Variants in CLTCL1 observed in about 807,000 individuals in gnomAD.
The protein encoded by CLTCL1 is clathrin heavy chain like 1.
In CLTCL1, 159 loss-of-function variants were observed where a neutral mutation model predicts 190.0. That is an observed-to-expected ratio of 0.84 (90% CI 0.74 to 0.95). The LOEUF is 0.95. Ranked by LOEUF, CLTCL1 falls within the 40% of genes least tolerant of loss-of-function variation. The pLI, the probability that CLTCL1 is intolerant of heterozygous loss-of-function variation, is 0.00. For synonymous variants in CLTCL1, 752 were observed against 769.6 expected, an observed-to-expected ratio of 0.98 and a Z score of 0.38; for missense variants, 1,878 against 2,033.4, an observed-to-expected ratio of 0.92 and a Z score of 1.47.
chr22:19,210,205 C>G, intron 20 of CLTCL1, 121 bp downstream of exon 20: 2 of 922,168 alleles, frequency 2.2e-6, no homozygotes, highest in Non-Finnish European at 3.2e-6. Context: ...GAGAAGAGCA[C>G]GAAGAGATGC....
intron 27 of CLTCL1, among the ~76,000 whole-genome samples, chr22:19,189,835 CAT>C (rs527759690): frequency 6.6e-5 from 10 of 152,218 alleles, no homozygotes; most frequent in Non-Finnish European, 1.2e-4. Context: ...TACATATACA[CAT>C]GTGGGATGAT....
At chr22:19,249,752 T>A (rs137899573) in intron 3 of CLTCL1, 336 of 215,778 alleles carry the variant, frequency 1.6e-3, no homozygotes, top group African/African-American at 7.3e-3. Context: ...ATTTCTAAGT[T>A]GATGGTATGG....
chr22:19,190,320 G>C (rs1444122233), intron 27 of CLTCL1, among the ~76,000 whole-genome samples: 1 of 152,226 alleles, frequency 6.6e-6, no homozygotes, highest in African/African-American at 2.4e-5. Flanking sequence ...AGGAAAGGAA[G>C]AGGGACCAGG....
At chr22:19,257,921 G>T in intron 2 of CLTCL1, 1 of 1,207,660 alleles carries the variant, frequency 8.3e-7, no homozygotes, top group South Asian at 1.2e-5. Flanking sequence ...CAAGACCACT[G>T]AGAAGCTGAT....
chr22:19,183,507 G>A lies in CLTCL1; in HGVS notation c.4710C>T (p.Leu1570=), dbSNP rs782088255. ...GGCGAAGCAGGTCATAGCAGGTGAAGAGACAAGCTGCGAAGCACTCCCTCT... is the reference window on the plus strand; with the variant it reads ...GGCGAAGCAGGTCATAGCAGGTGAAAAGACAAGCTGCGAAGCACTCCCTCT... The part of the protein sequence containing the change: ...EGKRECFAAC[L]FTCYDLLRPD... The change falls in exon 30 of 33, where the codon CTC becomes CTT. Residue 1570 remains leucine, a synonymous_variant. Transcript: ENST00000427926. 6 of 1,613,710 alleles carry A rather than the reference G, an allele frequency of 3.7e-6. No homozygotes were observed. Among genetic ancestry groups the A allele is most frequent in the African/African-American group, 2.7e-5 (2 of 74,940 alleles).
intron 22 of CLTCL1, among the ~76,000 whole-genome samples, chr22:19,203,774 TTCCAGCTGGACAGA>T (rs1432639118): frequency 7.2e-5 from 11 of 152,168 alleles, no homozygotes; most frequent in African/African-American, 2.7e-4. Context: ...TAACTCCTAC[TTCCAGCTGGACAGA>T]TCCACATGGC....
chr22:19,211,459 C>T (rs907416372), intron 19 of CLTCL1, among the ~76,000 whole-genome samples: 2 of 152,086 alleles, frequency 1.3e-5, no homozygotes, highest in African/African-American at 2.4e-5. Flanking sequence ...AAAGAAAGCA[C>T]AGGCAGCACT....
intron 3 of CLTCL1, among the ~76,000 whole-genome samples, chr22:19,244,842 A>C (rs1464067531): frequency 1.3e-5 from 2 of 152,272 alleles, no homozygotes; most frequent in African/African-American, 4.8e-5. Flanking sequence ...CAAGGATTCA[A>C]TGAGCAAATG....
At chr22:19,254,254 AGAAAGACAAATTAAAAATCT>A (rs781999439) in intron 2 of CLTCL1, 27 bp from the exon 3 acceptor site, 80 of 1,565,944 alleles carry the variant, frequency 5.1e-5, no homozygotes, top group Non-Finnish European at 6.9e-5. Flanking sequence ...TAGAGATTAG[AGAAAGACAAATTAAAAATCT>A]GAAAGACAAA....
intron 30 of CLTCL1, 77 bp downstream of exon 30, chr22:19,183,313 A>G: frequency 7.5e-7 from 1 of 1,326,988 alleles, no homozygotes; most frequent in East Asian, 2.5e-5. Flanking sequence ...CACCCTTAAG[A>G]CCTGCGGCCA....
chr22:19,203,303 G>GA (rs1177432229), intron 22 of CLTCL1, among the ~76,000 whole-genome samples: 1 of 152,174 alleles, frequency 6.6e-6, no homozygotes, highest in African/African-American at 2.4e-5. Context: ...AGACAAGAGT[G>GA]AAACTCCATC....
Position 19,198,030 on chromosome 22 carries a change from C to T in CLTCL1, c.3874-1374G>A, listed in dbSNP as rs1189728360. Among the ~76,000 whole-genome samples, 4 of 152,188 alleles carry T rather than the reference C, an allele frequency of 2.6e-5. No homozygotes were observed. Among genetic ancestry groups the T allele is most frequent in the African/African-American group, 9.7e-5 (4 of 41,440 alleles). On this transcript the variant is annotated intron_variant, in intron 24 of 32. Coordinates refer to ENST00000427926, the MANE Select transcript of CLTCL1 (RefSeq NM_007098.4). This position sits in a 1 kb window ranked among gnomAD's most constrained non-coding sequence, Gnocchi z 4.1. ...TACATGATGCCCCCACCTGAACATC[C>T]AGCGGGCAGCTCAAGACTTAGCACC...
At chr22:19,283,522 C>T (rs1384234252) in intron 1 of CLTCL1, among the ~76,000 whole-genome samples, 1 of 152,090 alleles carries the variant, frequency 6.6e-6, no homozygotes, top group Admixed American at 6.5e-5. Flanking sequence ...CTCAAGTGAT[C>T]CACTTTCCTC....
intron 17 of CLTCL1, 60 bp from the exon 18 acceptor site, chr22:19,220,067 G>C: frequency 6.2e-7 from 1 of 1,607,930 alleles, no homozygotes; most frequent in Non-Finnish European, 8.5e-7. Flanking sequence ...CTGCTTGGGA[G>C]GACACACCCC....
intron 26 of CLTCL1, among the ~76,000 whole-genome samples, chr22:19,194,066 C>T (rs1289534093): frequency 1.3e-5 from 2 of 152,156 alleles, no homozygotes; most frequent in African/African-American, 4.8e-5. Flanking sequence ...TTGGTCCATT[C>T]TACAGAGTGC....
chr22:19,183,153 C>T, intron 30 of CLTCL1: 1 of 510,542 alleles, frequency 2.0e-6, no homozygotes, highest in Non-Finnish European at 3.6e-6. Flanking sequence ...CCAGAGTCTA[C>T]AGGAGGGCTG....
intron 3 of CLTCL1, among the ~76,000 whole-genome samples, chr22:19,249,384 G>GA (rs1185733853): frequency 6.6e-6 from 1 of 151,670 alleles, no homozygotes; most frequent in African/African-American, 2.4e-5. Flanking sequence ...TTAAAATTAA[G>GA]AAATTAAAAT....
At chr22:19,279,903 G>T (rs916461290) in intron 1 of CLTCL1, among the ~76,000 whole-genome samples, 9 of 152,226 alleles carry the variant, frequency 5.9e-5, no homozygotes, top group Non-Finnish European at 1.0e-4. Flanking sequence ...AGGTGAGCTT[G>T]TGTCCACAGC....
At chr22:19,185,569 G>A (rs1245708958) in intron 29 of CLTCL1, among the ~76,000 whole-genome samples, 2 of 152,016 alleles carry the variant, frequency 1.3e-5, no homozygotes, top group African/African-American at 4.8e-5. Context: ...CCTGTGATCC[G>A]CCCGCCTCGG....
Sources: gnomAD v4.1 joint callset for allele counts (sites outside exome capture counted in the v4.1 genomes callset) on GRCh38, gnomAD v4.1.1 for gene constraint, Gnocchi (gnomAD v3.1) non-coding constraint, MANE v1.5 for transcripts, NCBI Gene and HGNC (gene_info 2026-07-23, HGNC 2026-07-21) for gene names.